Variants in GREB1L observed in about 807,000 individuals in gnomAD.
GREB1L encodes GREB1-like protein.
GREB1L carries 17 observed loss-of-function variants against 200.8 expected under a neutral mutation model. The observed-to-expected ratio is 0.08, with a 90% confidence interval of 0.06 to 0.13. The LOEUF is 0.13. Among genes scored for constraint, GREB1L ranks in the 10% least tolerant of loss-of-function variants. GREB1L has a pLI of 1.00. For missense variants in GREB1L, 1,657 were observed against 2,367.7 expected (o/e 0.70, Z 6.23); for synonymous variants, 789 against 893.0 (o/e 0.88, Z 2.08).
At chr18:21,480,697 T>G (rs1306717777) in intron 17 of GREB1L, among the ~76,000 whole-genome samples, 1 of 152,140 alleles carries the variant, frequency 6.6e-6, no homozygotes, top group Non-Finnish European at 1.5e-5. Flanking sequence ...TGTGGACTTG[T>G]GTTGAATCTT....
At chr18:21,243,045 C>G (rs78512906) in intron 1 of GREB1L, among the ~76,000 whole-genome samples, 3,411 of 152,162 alleles carry the variant, frequency 0.022, 135 homozygotes, top group African/African-American at 0.079. Flanking sequence ...GCCAGCATGT[C>G]CATTTTTCTG....
intron 18 of GREB1L, among the ~76,000 whole-genome samples, chr18:21,488,814 A>G (rs1231402779): frequency 6.6e-6 from 1 of 151,612 alleles, no homozygotes; most frequent in African/African-American, 2.4e-5. Flanking sequence ...CCGCCACCAC[A>G]CCCAGCTAAT....
At chr18:21,420,127 C>T (rs1032476332) in intron 7 of GREB1L, among the ~76,000 whole-genome samples, 8 of 152,074 alleles carry the variant, frequency 5.3e-5, no homozygotes, top group African/African-American at 1.2e-4. Context: ...AATCCCAGCA[C>T]GTTGGGAGGC....
chr18:21,351,076 TAATC>T (rs2039426016), intron 1 of GREB1L, among the ~76,000 whole-genome samples: 1 of 152,158 alleles, frequency 6.6e-6, no homozygotes, highest in Admixed American at 6.5e-5. Context: ...CCTTACAAAA[TAATC>T]AATACACTGA....
chr18:21,333,300 TTTATG>T (rs1359831903), intron 1 of GREB1L, among the ~76,000 whole-genome samples: 1 of 152,218 alleles, frequency 6.6e-6, no homozygotes, highest in African/African-American at 2.4e-5. Flanking sequence ...TGATACAATA[TTTATG>T]TTATGTATAA....
chr18:21,288,784 T>A (rs1226711938), intron 1 of GREB1L, among the ~76,000 whole-genome samples: 2 of 151,954 alleles, frequency 1.3e-5, no homozygotes, highest in East Asian at 3.9e-4. Flanking sequence ...GTCGCCCAGG[T>A]TGGAATGCAA....
At chr18:21,436,198 G>C (rs1235738024) in intron 7 of GREB1L, among the ~76,000 whole-genome samples, 8 of 152,206 alleles carry the variant, frequency 5.3e-5, no homozygotes, top group Non-Finnish European at 2.9e-5. Flanking sequence ...AGACATCCAT[G>C]TGGAGCTGTT....
intron 14 of GREB1L, chr18:21,452,571 A>C: frequency 5.1e-6 from 1 of 194,562 alleles, no homozygotes. Context: ...GACTACAGGC[A>C]GTGCAGGGTC....
At chr18:21,509,282 G>A (rs1279274523) in intron 27 of GREB1L, among the ~76,000 whole-genome samples, 1 of 152,196 alleles carries the variant, frequency 6.6e-6, no homozygotes, top group Non-Finnish European at 1.5e-5. Flanking sequence ...CACTTCTTGC[G>A]CTGCAGTTCT....
In GREB1L at chr18:21,285,180, A is replaced by G. The variant is rs150629643; in HGVS notation, c.-120+42787A>G. Among the ~76,000 whole-genome samples the G allele has an allele frequency of 2.7e-3, 405 of 151,962 alleles. 2 individuals are homozygous for G. The highest frequency in any genetic ancestry group is 4.7e-3 in the Non-Finnish European group (318 of 67,952). The stretch of plus-strand genomic sequence containing the variant: ...TTACTTTTTAATTTTTATCATTTTA[A>G]AAATTTTCTGTTCATTTTCTTGATG... On this transcript the variant is annotated intron_variant, in intron 1 of 32. Coordinates refer to ENST00000424526, the MANE Select transcript of GREB1L (RefSeq NM_001142966.3).
chr18:21,419,348 C>A (rs2031945318), intron 7 of GREB1L, among the ~76,000 whole-genome samples: 1 of 152,178 alleles, frequency 6.6e-6, no homozygotes, highest in Non-Finnish European at 1.5e-5. Context: ...CTACTAGCAC[C>A]AATAAGTGAG....
At chr18:21,515,690 T>A in intron 29 of GREB1L, 46 bp downstream of exon 29, 1 of 1,354,838 alleles carries the variant, frequency 7.4e-7, no homozygotes, top group Non-Finnish European at 1.0e-6. Context: ...ATCTACTGAT[T>A]GCTTCTGCCC....
intron 1 of GREB1L, among the ~76,000 whole-genome samples, chr18:21,300,848 T>G (rs1436534921): frequency 6.6e-6 from 1 of 152,192 alleles, no homozygotes; most frequent in Non-Finnish European, 1.5e-5. Context: ...GGCTGCCTAT[T>G]TGAACAAGAT....
chr18:21,265,741 G>C (rs1447839244), intron 1 of GREB1L, among the ~76,000 whole-genome samples: 1 of 152,098 alleles, frequency 6.6e-6, no homozygotes, highest in African/African-American at 2.4e-5. Context: ...GACTCAATTG[G>C]AAGATGACAC....
intron 1 of GREB1L, among the ~76,000 whole-genome samples, chr18:21,333,675 CAAAA>C (rs36089817): frequency 2.8e-5 from 3 of 108,786 alleles, no homozygotes; most frequent in African/African-American, 3.0e-5. Context: ...AACTCTGTCT[CAAAA>C]AAAAAAAAAA....
chr18:21,384,060 G>A, intron 3 of GREB1L, 146 bp from the exon 4 acceptor site: 1 of 657,648 alleles, frequency 1.5e-6, no homozygotes, highest in Non-Finnish European at 2.6e-6. Context: ...TAGAAGTGGG[G>A]ATTCCAAATC....
chr18:21,389,188 T>C (rs929004873), intron 4 of GREB1L, among the ~76,000 whole-genome samples: 1 of 152,324 alleles, frequency 6.6e-6, no homozygotes. Context: ...TTTATTTATG[T>C]CATTATGGCC....
intron 1 of GREB1L, among the ~76,000 whole-genome samples, chr18:21,333,090 ACACGCGCGCG>A (rs1831690095): frequency 6.6e-6 from 1 of 151,954 alleles, no homozygotes; most frequent in Non-Finnish European, 1.5e-5. Flanking sequence ...TAATACACAC[ACACGCGCGCG>A]CGCGCGCGCA....
At chr18:21,355,611 T>C (rs1473074255) in intron 1 of GREB1L, among the ~76,000 whole-genome samples, 1 of 152,084 alleles carries the variant, frequency 6.6e-6, no homozygotes, top group Non-Finnish European at 1.5e-5. Context: ...CACTAACATT[T>C]AGGAAATTGA....
Sources: allele counts gnomAD v4.1 joint callset (sites outside exome capture counted in the v4.1 genomes callset), GRCh38; gene constraint gnomAD v4.1.1; transcripts MANE v1.5; gene names NCBI Gene and HGNC (gene_info 2026-07-23, HGNC 2026-07-21).